The following FSTL5 variants were observed in gnomAD, a reference collection of about 807,000 sequenced individuals.
The protein encoded by FSTL5 is follistatin like 5.
A neutral mutation model predicts 89.1 loss-of-function variants in FSTL5; 62 were observed. The ratio of observed to expected loss-of-function variants is 0.70; its 90% confidence interval spans 0.57 to 0.86. FSTL5 has a LOEUF of 0.86. Among genes scored for constraint, FSTL5 ranks in the 40% least tolerant of loss-of-function variants. FSTL5 has a pLI of 0.00. For missense variants in FSTL5, 1,057 were observed against 1,001.6 expected, an observed-to-expected ratio of 1.06 and a Z score of -0.75; for synonymous variants, 383 against 346.2, an observed-to-expected ratio of 1.11 and a Z score of -1.18.
intron 3 of FSTL5, among the ~76,000 whole-genome samples, chr4:161,926,177 G>T (rs906381956): frequency 6.6e-6 from 1 of 151,834 alleles, no homozygotes; most frequent in South Asian, 2.1e-4. Context: ...TTCATGACCT[G>T]TAATAATTGG....
chr4:162,096,825 T>C lies in FSTL5; in HGVS notation c.126+14446A>G, dbSNP rs567041613. On this transcript the variant is annotated intron_variant, in intron 2 of 15. Transcript: ENST00000306100. ...TTATAGGATTAATACAAAAATTTTTTAACGTTAACAATATTCAATTGATGA... is the reference window on the plus strand; with the variant it reads ...TTATAGGATTAATACAAAAATTTTTCAACGTTAACAATATTCAATTGATGA... 2.0e-5 allele frequency among the ~76,000 whole-genome samples: 3 copies of C among 152,084 alleles called. 1 individual carries two copies. The South Asian group carries it at 6.2e-4, about 31-fold the overall frequency.
At chr4:161,671,000 C>A (rs1431675102) in intron 6 of FSTL5, among the ~76,000 whole-genome samples, 1 of 152,174 alleles carries the variant, frequency 6.6e-6, no homozygotes, top group Non-Finnish European at 1.5e-5. Flanking sequence ...AAAAGCTTCA[C>A]AACACTGATG....
intron 4 of FSTL5, among the ~76,000 whole-genome samples, chr4:161,788,452 C>A (rs1028495242): frequency 4.6e-5 from 7 of 152,166 alleles, no homozygotes; most frequent in African/African-American, 1.7e-4. Flanking sequence ...TTCCACTATT[C>A]TATTCTCTAC....
At chr4:162,026,846 G>A (rs972745168) in intron 3 of FSTL5, among the ~76,000 whole-genome samples, 9 of 152,048 alleles carry the variant, frequency 5.9e-5, no homozygotes, top group Non-Finnish European at 1.2e-4. Flanking sequence ...TTTATTCTGT[G>A]TTGTTTCCCC....
intron 15 of FSTL5, among the ~76,000 whole-genome samples, chr4:161,398,973 G>T (rs1211014093): frequency 6.6e-6 from 1 of 151,688 alleles, no homozygotes; most frequent in African/African-American, 2.4e-5. Context: ...ATAGCCACTT[G>T]GTGCAATAGA....
At chr4:161,759,377 C>T in intron 6 of FSTL5, 34 bp downstream of exon 6, 1 of 1,562,048 alleles carries the variant, frequency 6.4e-7, no homozygotes, top group Non-Finnish European at 8.6e-7. Context: ...GGAAAAAGAA[C>T]AAAGGGAAAT....
intron 15 of FSTL5, among the ~76,000 whole-genome samples, chr4:161,414,072 C>T (rs534727564): frequency 2.6e-5 from 4 of 151,896 alleles, no homozygotes; most frequent in East Asian, 1.9e-4. Flanking sequence ...TAAAATAAAA[C>T]GTTGAAATAA....
At chr4:161,476,947 GT>G (rs1734173028) in intron 13 of FSTL5, among the ~76,000 whole-genome samples, 1 of 152,124 alleles carries the variant, frequency 6.6e-6, no homozygotes, top group South Asian at 2.1e-4. Context: ...AGCTTCTCCT[GT>G]TTTTGACAGT....
At chr4:161,514,647 C>T (rs1354774198) in intron 10 of FSTL5, among the ~76,000 whole-genome samples, 1 of 151,914 alleles carries the variant, frequency 6.6e-6, no homozygotes, top group Non-Finnish European at 1.5e-5. Context: ...AATGGAGAAT[C>T]AAAATATTGA....
At chr4:161,694,740 T>G (rs775664270) in intron 6 of FSTL5, among the ~76,000 whole-genome samples, 1 of 151,966 alleles carries the variant, frequency 6.6e-6, no homozygotes, top group Non-Finnish European at 1.5e-5. Context: ...TTTTGCAATG[T>G]GCTATCTCTG....
intron 4 of FSTL5, among the ~76,000 whole-genome samples, chr4:161,819,030 GAAAT>G (rs1007582303): frequency 6.6e-5 from 10 of 151,958 alleles, no homozygotes; most frequent in Admixed American, 2.0e-4. Flanking sequence ...TTCATAAGCT[GAAAT>G]AAATAAAATG....
intron 6 of FSTL5, among the ~76,000 whole-genome samples, chr4:161,694,256 C>T (rs1219290352): frequency 6.6e-6 from 1 of 151,568 alleles, no homozygotes; most frequent in African/African-American, 2.4e-5. Flanking sequence ...TGTTTTCTGC[C>T]CCTTTATCTT....
At chr4:161,800,633 G>A (rs1438356977) in intron 4 of FSTL5, among the ~76,000 whole-genome samples, 1 of 151,572 alleles carries the variant, frequency 6.6e-6, no homozygotes, top group Non-Finnish European at 1.5e-5. Flanking sequence ...TTAGGTTGCA[G>A]TTTTCATAAA....
At chr4:161,802,472 G>T (rs1029730258) in intron 4 of FSTL5, among the ~76,000 whole-genome samples, 1 of 151,638 alleles carries the variant, frequency 6.6e-6, no homozygotes, top group Non-Finnish European at 1.5e-5. Flanking sequence ...TGTTCTACTC[G>T]CATATACATT....
intron 2 of FSTL5, among the ~76,000 whole-genome samples, chr4:162,093,702 GA>G (rs1579021795): frequency 6.6e-6 from 1 of 152,104 alleles, no homozygotes; most frequent in African/African-American, 2.4e-5. Context: ...CATATCTAAA[GA>G]GGGGAATGTC....
In FSTL5 at chr4:161,500,143, T is replaced by A; in HGVS notation, c.1340-9A>T. Reference sequence around the variant, plus strand: ...GTTCCCAATTCCCAGACCTTAGGAATAAAAACACATTTAAATGTTCAAAAT... The same window carrying A: ...GTTCCCAATTCCCAGACCTTAGGAAAAAAAACACATTTAAATGTTCAAAAT... On this transcript the variant is annotated splice_polypyrimidine_tract_variant and intron_variant, in intron 11 of 15. Transcript: ENST00000306100. 1 of 1,471,670 alleles carries A rather than the reference T, an allele frequency of 6.8e-7. No homozygotes were observed. Among genetic ancestry groups the A allele is most frequent in the Admixed American group, 1.8e-5 (1 of 55,462 alleles). The allele number at this position is 1,471,670 out of a possible 1,614,324, so 91.2% of individuals were successfully genotyped here. A position where few individuals can be genotyped will look rare whatever the true frequency, so the allele number is the denominator to read the frequency against.
At chr4:161,720,911 G>T (rs142170431) in intron 6 of FSTL5, among the ~76,000 whole-genome samples, 75 of 152,250 alleles carry the variant, frequency 4.9e-4, no homozygotes, top group African/African-American at 1.7e-3. Flanking sequence ...CATTTAAGTT[G>T]TACAAGATGA....
intron 2 of FSTL5, among the ~76,000 whole-genome samples, chr4:162,105,327 A>G (rs773933758): frequency 1.2e-4 from 19 of 152,194 alleles, no homozygotes; most frequent in Non-Finnish European, 1.3e-4. Context: ...AAACTTATTC[A>G]TCTTGCATAA....
At chr4:161,993,199 AACATC>A (rs1368932651) in intron 3 of FSTL5, among the ~76,000 whole-genome samples, 1 of 151,770 alleles carries the variant, frequency 6.6e-6, no homozygotes, top group African/African-American at 2.4e-5. Flanking sequence ...ACAAATCAAA[AACATC>A]ACAATACTGT....
Sources: allele counts gnomAD v4.1 joint callset (sites outside exome capture counted in the v4.1 genomes callset), GRCh38; gene constraint gnomAD v4.1.1; transcripts MANE v1.5; gene names NCBI Gene and HGNC (gene_info 2026-07-23, HGNC 2026-07-21).